ARFIP1: variants seen among roughly 807,000 people sequenced by gnomAD.
ARFIP1 encodes arfaptin-1.
Under a neutral mutation model 42.5 loss-of-function variants are expected in ARFIP1, and 24 were observed. The ratio of observed to expected loss-of-function variants is 0.57; its 90% CI spans 0.41 to 0.80. The LOEUF (loss-of-function observed/expected upper bound fraction) is 0.80, where lower values mean the gene tolerates loss of function less well. Among genes scored for constraint, ARFIP1 ranks in the 30% least tolerant of loss-of-function variants. The probability of loss-of-function intolerance (pLI) is 0.00; values close to 1 mark genes in which losing one functional copy is unlikely to be tolerated. For synonymous variants in ARFIP1, 141 were observed against 153.7 expected (o/e 0.92, Z 0.61); for missense variants, 354 against 434.0 (o/e 0.82, Z 1.64).
intron 1 of ARFIP1, among the ~76,000 whole-genome samples, chr4:152,826,881 C>T (rs1038207996): frequency 1.3e-5 from 2 of 152,038 alleles, no homozygotes; most frequent in African/African-American, 2.4e-5. Context: ...CACATGCTAC[C>T]ACATGGATAA....
intron 2 of ARFIP1, among the ~76,000 whole-genome samples, chr4:152,847,581 AATT>A (rs1319452323): frequency 7.9e-5 from 12 of 151,994 alleles, no homozygotes; most frequent in Non-Finnish European, 1.0e-4. Flanking sequence ...TTATTTTAAG[AATT>A]ATTCTTTAAA....
intron 3 of ARFIP1, 145 bp from the exon 4 acceptor site, chr4:152,870,608 C>T (rs1734796800): frequency 1.8e-6 from 1 of 570,178 alleles, no homozygotes; most frequent in Middle Eastern, 3.4e-4. Context: ...TTAGTCCTTC[C>T]CTGAAAGAAA....
At chr4:152,788,801 C>CTTTTTTTTTTTTTTTTTT (rs138189664) in intron 1 of ARFIP1, among the ~76,000 whole-genome samples, 3 of 113,414 alleles carry the variant, frequency 2.6e-5, no homozygotes, top group Non-Finnish European at 3.5e-5. Flanking sequence ...TCCCCAATGT[C>CTTTTTTTTTTTTTTTTTT]TTTTTTTTTT....
chr4:152,854,491 G>C (rs1007055670), intron 2 of ARFIP1, among the ~76,000 whole-genome samples: 1 of 152,092 alleles, frequency 6.6e-6, no homozygotes, highest in East Asian at 1.9e-4. Flanking sequence ...GGGATCTGTT[G>C]CTGGAGAATC....
chr4:152,811,073 A>G (rs1729416100), intron 1 of ARFIP1, among the ~76,000 whole-genome samples: 1 of 146,110 alleles, frequency 6.8e-6, no homozygotes, highest in Admixed American at 6.9e-5. Flanking sequence ...GACAACAGCC[A>G]CATGCTAAGG....
At position 152,866,290 on chromosome 4, in the gene ARFIP1, C is replaced by A. The variant is rs373659990; in HGVS notation, c.202+2576C>A. On this transcript the variant is annotated intron_variant, in intron 3 of 8. Transcript: ENST00000353617. ...CTTCTTTCTACACAGACACAGCAAC[C>A]ATCCAATTTCTCAATCTTTTCCCCA... Among the ~76,000 whole-genome samples the A allele has an allele frequency of 4.7e-4, 71 of 152,376 alleles. 1 individual carries two copies. In the East Asian group the frequency reaches 0.013, roughly 29 times the overall value.
At position 152,873,440 on chromosome 4, in the gene ARFIP1, T is replaced by C. The variant is rs201705006; in HGVS notation, c.411+876T>C. ...TACAAAAGTATAGGTTTTCTTAAGA[T>C]GGTAAAACCTCCCTGAAACATGTTA... On this transcript the variant is annotated intron_variant, in intron 5 of 8. Transcript: ENST00000353617. 3.3e-5 allele frequency among the ~76,000 whole-genome samples: 5 copies of C among 152,332 alleles called. No homozygotes were observed. In the East Asian group the frequency reaches 9.6e-4, roughly 29 times the overall value.
intron 1 of ARFIP1, among the ~76,000 whole-genome samples, chr4:152,819,658 A>G (rs1017901837): frequency 1.3e-5 from 2 of 152,156 alleles, no homozygotes; most frequent in Non-Finnish European, 2.9e-5. Context: ...CCCGTGGGAC[A>G]AAGGAAACTA....
In ARFIP1 at chr4:152,829,682, A is replaced by G. The variant is rs369510451; in HGVS notation, c.49A>G (p.Ser17Gly). ...TTCAGCAGCAGAAATTCCAGTGACT[A>G]GTAATGGAGAAGTTGATGACTCTCG... ...KNSAAEIPVT[S>G]NGEVDDSREH... The change falls in exon 2 of 9, where the codon AGT becomes GGT. Residue 17 changes from serine to glycine, a missense_variant. Physicochemically the swap from Ser to Gly is moderately conservative, Grantham distance 56. Coordinates refer to ENST00000353617, the MANE Select transcript of ARFIP1 (RefSeq NM_001025595.3). 7.4e-6 allele frequency: 12 copies of G among 1,612,334 alleles called. No homozygotes were observed. Among genetic ancestry groups the G allele is most frequent in the South Asian group, 3.3e-5 (3 of 90,918 alleles).
chr4:152,900,073 C>A (rs528640582), intron 8 of ARFIP1, among the ~76,000 whole-genome samples: 1 of 150,978 alleles, frequency 6.6e-6, no homozygotes, highest in Admixed American at 6.6e-5. Context: ...CCTTGGAAAA[C>A]AGAAGCTATA....
At chr4:152,908,843 C>T (rs1738593501) in intron 8 of ARFIP1, among the ~76,000 whole-genome samples, 2 of 146,928 alleles carry the variant, frequency 1.4e-5, no homozygotes, top group Admixed American at 6.8e-5. Flanking sequence ...CAGAGGTGAC[C>T]GAGACCAGCT....
chr4:152,800,064 T>C (rs572317919), intron 1 of ARFIP1, among the ~76,000 whole-genome samples: 87 of 152,310 alleles, frequency 5.7e-4, no homozygotes, highest in African/African-American at 1.9e-3. Flanking sequence ...ATGGGGAACA[T>C]TCTTATTAAA....
At position 152,912,108 on chromosome 4, in the gene ARFIP1, A is replaced by G. The variant is rs1278320088; in HGVS notation, c.*1889A>G. 1 of 152,184 alleles carries G rather than the reference A, an allele frequency of 6.6e-6. No homozygotes were observed. The highest frequency in any genetic ancestry group is 1.5e-5 in the Non-Finnish European group (1 of 67,996). The allele number at this position is 152,184 out of a possible 1,614,324, so 9.4% of individuals were successfully genotyped here. A position where few individuals can be genotyped will look rare whatever the true frequency, so the allele number is the denominator to read the frequency against. The stretch of plus-strand genomic sequence containing the variant: ...CCATTCTTAACCACATTTCAATAAC[A>G]GTTACTGTAGCTAAGGAGCTAAATA... On this transcript the variant is annotated 3_prime_UTR_variant, in exon 9 of 9. Coordinates refer to ENST00000353617, the MANE Select transcript of ARFIP1 (RefSeq NM_001025595.3).
At chr4:152,885,973 C>CA (rs751909612) in intron 7 of ARFIP1, among the ~76,000 whole-genome samples, 1 of 151,876 alleles carries the variant, frequency 6.6e-6, no homozygotes, top group Non-Finnish European at 1.5e-5. Context: ...AACTGGAGCA[C>CA]AAAGAGATGA....
chr4:152,802,932 A>C (rs1041746254), intron 1 of ARFIP1, among the ~76,000 whole-genome samples: 15 of 152,188 alleles, frequency 9.9e-5, no homozygotes, highest in African/African-American at 3.6e-4. Context: ...TGAAAAATGT[A>C]AGTAGCATGA....
chr4:152,848,445 T>C (rs1036822256), intron 2 of ARFIP1, among the ~76,000 whole-genome samples: 1 of 152,242 alleles, frequency 6.6e-6, no homozygotes, highest in Non-Finnish European at 1.5e-5. Context: ...TGTCCTTAAT[T>C]TCCCTGCATG....
intron 1 of ARFIP1, among the ~76,000 whole-genome samples, chr4:152,798,268 A>C (rs1273442482): frequency 6.6e-6 from 1 of 152,198 alleles, no homozygotes; most frequent in Non-Finnish European, 1.5e-5. Flanking sequence ...GTCTCAAAAA[A>C]CAAGAATAGT....
intron 4 of ARFIP1, among the ~76,000 whole-genome samples, chr4:152,872,089 G>C (rs1013270632): frequency 2.0e-5 from 3 of 152,096 alleles, no homozygotes; most frequent in Non-Finnish European, 2.9e-5. Flanking sequence ...TATCGACCAA[G>C]ATACTTCTTT....
At chr4:152,815,926 A>G (rs1362495408) in intron 1 of ARFIP1, among the ~76,000 whole-genome samples, 3 of 151,510 alleles carry the variant, frequency 2.0e-5, no homozygotes, top group Non-Finnish European at 2.9e-5. Flanking sequence ...TTGTATTTTT[A>G]GTAGAGACGG....
Sources: gnomAD v4.1 joint callset for allele counts (sites outside exome capture counted in the v4.1 genomes callset) on GRCh38, gnomAD v4.1.1 for gene constraint, MANE v1.5 for transcripts, NCBI Gene and HGNC (gene_info 2026-07-23, HGNC 2026-07-21) for gene names.